AKAP11: variants seen among roughly 807,000 people sequenced by gnomAD.
AKAP11 encodes A-kinase anchor protein 11.
In AKAP11, 36 loss-of-function variants were observed where a neutral mutation model predicts 146.1. The ratio of observed to expected loss-of-function variants is 0.25; its 90% confidence interval spans 0.19 to 0.33. The LOEUF is 0.33. Among genes scored for constraint, AKAP11 ranks in the 10% least tolerant of loss-of-function variants. The probability of loss-of-function intolerance (pLI) is 1.00; values close to 1 mark genes in which losing one functional copy is unlikely to be tolerated. For missense variants in AKAP11, 2,201 were observed against 2,197.0 expected, an observed-to-expected ratio of 1.00 and a Z score of -0.04; for synonymous variants, 780 against 786.5, an observed-to-expected ratio of 0.99 and a Z score of 0.14.
intron 6 of AKAP11, 95 bp downstream of exon 6, chr13:42,297,277 TG>T (rs1566268678): frequency 8.9e-6 from 9 of 1,014,126 alleles, no homozygotes; most frequent in East Asian, 3.0e-5. Flanking sequence ...GGATGACATT[TG>T]TTTTTTTTAA....
At chr13:42,297,433 A>T (rs1297099274) in intron 6 of AKAP11, among the ~76,000 whole-genome samples, 1 of 151,746 alleles carries the variant, frequency 6.6e-6, no homozygotes, top group Non-Finnish European at 1.5e-5. Context: ...GTACATGTTA[A>T]TTTTTTCTGA....
In AKAP11 at chr13:42,283,836, T is replaced by G. The variant is rs142606463; in HGVS notation, c.-99-2150T>G. Among the ~76,000 whole-genome samples, 194 of 152,328 alleles carry G rather than the reference T, an allele frequency of 1.3e-3. 1 individual carries two copies. The highest frequency in any genetic ancestry group is 4.5e-3 in the African/African-American group (188 of 41,570). On this transcript the variant is annotated intron_variant, in intron 1 of 12. Coordinates refer to ENST00000025301, the MANE Select transcript of AKAP11 (RefSeq NM_016248.4). Reference sequence around the variant, plus strand: ...AGAGAAAGTGATGTAAGGCGTGCCATTCCTTTGTCCTGCAGTATTGTTTTT... The same window carrying G: ...AGAGAAAGTGATGTAAGGCGTGCCAGTCCTTTGTCCTGCAGTATTGTTTTT...
At position 42,321,866 on chromosome 13, in the gene AKAP11, C is replaced by G. The variant is rs1397398538; in HGVS notation, c.*2638C>G. ...GTTTTGATGTACATCGAGCTGAATT[C>G]TGTTTTTACCAGTTTCAAAACCTTC... On this transcript the variant is annotated 3_prime_UTR_variant, in exon 13 of 13. Coordinates refer to ENST00000025301, the MANE Select transcript of AKAP11 (RefSeq NM_016248.4). The G allele has an allele frequency of 6.6e-6, 1 of 152,266 alleles. No homozygotes were observed. Among genetic ancestry groups the G allele is most frequent in the East Asian group, 1.9e-4 (1 of 5,342 alleles). The allele number at this position is 152,266 out of a possible 1,614,324, so 9.4% of individuals were successfully genotyped here.
intron 2 of AKAP11, 30 bp from the exon 3 acceptor site, chr13:42,286,266 CAATA>C (rs1328077323): frequency 1.3e-5 from 11 of 823,318 alleles, no homozygotes; most frequent in Non-Finnish European, 1.9e-5. Context: ...TTGTTAAGAT[CAATA>C]AATAAGTTGT....
chr13:42,291,759 G>A (rs1959221009), intron 3 of AKAP11, among the ~76,000 whole-genome samples: 1 of 152,114 alleles, frequency 6.6e-6, no homozygotes, highest in Non-Finnish European at 1.5e-5. Context: ...AAGGTAGAAG[G>A]AAATAAGTGT....
At chr13:42,287,007 A>G (rs1566260229) in intron 3 of AKAP11, among the ~76,000 whole-genome samples, 1 of 152,366 alleles carries the variant, frequency 6.6e-6, no homozygotes, top group East Asian at 1.9e-4. Context: ...CTTCTGCATT[A>G]TATGACACCA....
At position 42,303,484 on chromosome 13, in the gene AKAP11, T is replaced by C; in HGVS notation, c.4738T>C (p.Ser1580Pro). ...ADRVTYAEKL[S>P]PLTGQACRYC... ...CAGGGTCACTTATGCAGAAAAGTTG[T>C]CACCTCTTACAGGTCAAGCTTGCAG... The change falls in exon 8 of 13, where the codon TCA becomes CCA. Residue 1580 changes from serine to proline, a missense_variant. Transcript: ENST00000025301. 6.2e-7 allele frequency: 1 copy of C among 1,614,186 alleles called. No individual in the cohort carries two copies. The highest frequency in any genetic ancestry group is 8.5e-7 in the Non-Finnish European group (1 of 1,180,034).
At chr13:42,311,241 T>C (rs1280291186) in intron 9 of AKAP11, among the ~76,000 whole-genome samples, 1 of 152,200 alleles carries the variant, frequency 6.6e-6, no homozygotes, top group East Asian at 1.9e-4. Context: ...ACTCCTGTGC[T>C]AGACATAGGA....
chr13:42,313,296 C>G (rs1960652243), intron 10 of AKAP11, among the ~76,000 whole-genome samples, 166 bp downstream of exon 10: 1 of 152,174 alleles, frequency 6.6e-6, no homozygotes, highest in Admixed American at 6.5e-5. Context: ...TGAAAAACTT[C>G]AACTGTGCTA....
In AKAP11 at chr13:42,301,432, G is replaced by C. The variant is rs1420971311; in HGVS notation, c.2686G>C (p.Val896Leu). 2 of 1,612,994 alleles carry C rather than the reference G, an allele frequency of 1.2e-6. No homozygotes were observed. Among genetic ancestry groups the C allele is most frequent in the Non-Finnish European group, 1.7e-6 (2 of 1,179,752 alleles). ...ETLESMTSLE[V>L]TKMVDERTDY... ...TTTAGAGTCAATGACATCATTGGAAGTTACAAAAATGGTTGATGAACGTAC... is the reference window on the plus strand; with the variant it reads ...TTTAGAGTCAATGACATCATTGGAACTTACAAAAATGGTTGATGAACGTAC... The change falls in exon 8 of 13, where the codon GTT (valine) becomes CTT (leucine). Residue 896 changes from valine (V) to leucine (L), a missense_variant. This residue lies in a region of AKAP11 where 1,867 missense variants were observed against 1,833.5 expected (regional missense o/e 1.02). Transcript: ENST00000025301.
Position 42,301,824 on chromosome 13 carries a change from T to C in AKAP11, c.3078T>C (p.Cys1026=), listed in dbSNP as rs1445954271. 6.2e-7 allele frequency: 1 copy of C among 1,614,168 alleles called. No homozygotes were observed. The highest frequency in any genetic ancestry group is 8.5e-7 in the Non-Finnish European group (1 of 1,180,012). ...CCTCCCTAGAGACACTGCCATCTTG[T>C]CCAGCTGTGACAGGTCAGAAATCTG... ...HGSSLETLPS[C]PAVTGQKSDL... is the part of the protein sequence containing the mutation. Residue 1026 remains cysteine (C), a synonymous_variant, in exon 8 of 13, where the codon TGT becomes TGC. Transcript: ENST00000025301.
At position 42,300,180 on chromosome 13, in the gene AKAP11, T is replaced by G; in HGVS notation, c.1434T>G (p.His478Gln). 6.2e-7 allele frequency: 1 copy of G among 1,613,940 alleles called. No homozygotes were observed. Among genetic ancestry groups the G allele is most frequent in the Non-Finnish European group, 8.5e-7 (1 of 1,179,864 alleles). Residue 478 changes from histidine (H) to glutamine (Q), a missense_variant, in exon 8 of 13, where the codon CAT becomes CAG. Physicochemically the swap from His to Gln is conservative, Grantham distance 24. Coordinates refer to ENST00000025301, the MANE Select transcript of AKAP11 (RefSeq NM_016248.4). ...CAGATATTGGTGGAGATAGGATTCA[T>G]GAAAATCATGATTCTGTTTATTACA... Reference protein sequence around the residue: ...CQTDIGGDRIHENHDSVYYTY... With the variant: ...CQTDIGGDRIQENHDSVYYTY...
intron 1 of AKAP11, among the ~76,000 whole-genome samples, chr13:42,280,584 G>C (rs772950953): frequency 1.8e-4 from 27 of 152,296 alleles, no homozygotes; most frequent in Admixed American, 5.2e-4. Context: ...ATGTTTGAAT[G>C]CCTACTATGT....
At position 42,303,473 on chromosome 13, in the gene AKAP11, C is replaced by G; in HGVS notation, c.4727C>G (p.Ala1576Gly). The G allele has an allele frequency of 6.2e-7, 1 of 1,614,176 alleles. No homozygotes were observed. The highest frequency in any genetic ancestry group is 8.5e-7 in the Non-Finnish European group (1 of 1,180,018). ...AAATCAGCAGACAGGGTCACTTATGCAGAAAAGTTGTCACCTCTTACAGGT... is the reference window on the plus strand; with the variant it reads ...AAATCAGCAGACAGGGTCACTTATGGAGAAAAGTTGTCACCTCTTACAGGT... ...TTKSADRVTY[A>G]EKLSPLTGQA... The change falls in exon 8 of 13, where the codon GCA becomes GGA. Residue 1576 changes from alanine (A) to glycine (G), a missense_variant. By Grantham distance (60) the Ala-to-Gly change is moderately conservative. Coordinates refer to ENST00000025301, the MANE Select transcript of AKAP11 (RefSeq NM_016248.4).
At chr13:42,291,264 T>G (rs2138513494) in intron 3 of AKAP11, among the ~76,000 whole-genome samples, 1 of 152,288 alleles carries the variant, frequency 6.6e-6, no homozygotes, top group Non-Finnish European at 1.5e-5. Flanking sequence ...ATATGTTTTT[T>G]GTTTTCGAGA....
intron 1 of AKAP11, among the ~76,000 whole-genome samples, chr13:42,276,696 C>T (rs1459331707): frequency 6.6e-6 from 1 of 152,160 alleles, no homozygotes; most frequent in Non-Finnish European, 1.5e-5. Flanking sequence ...TCACATTCTT[C>T]TTTTTTTATG....
At chr13:42,290,112 G>T (rs542983012) in intron 3 of AKAP11, among the ~76,000 whole-genome samples, 1 of 152,130 alleles carries the variant, frequency 6.6e-6, no homozygotes, top group East Asian at 1.9e-4. Flanking sequence ...TTTGGTCAAG[G>T]TTCACACACT....
chr13:42,318,878 A>C (rs1395754012), intron 12 of AKAP11, among the ~76,000 whole-genome samples: 4 of 152,098 alleles, frequency 2.6e-5, no homozygotes, highest in African/African-American at 9.7e-5. Flanking sequence ...CATTCTCTGG[A>C]GGAGATGTGT....
At chr13:42,313,792 C>A in intron 10 of AKAP11, 102 bp from the exon 11 acceptor site, 3 of 939,048 alleles carry the variant, frequency 3.2e-6, no homozygotes, top group South Asian at 3.1e-5. Context: ...TGTCATATGT[C>A]ATATTGTAAC....
Sources: gnomAD v4.1 joint callset for allele counts (sites outside exome capture counted in the v4.1 genomes callset) on GRCh38, gnomAD v4.1.1 for gene constraint, gnomAD v4.1.1 regional missense constraint, MANE v1.5 for transcripts, NCBI Gene and HGNC (gene_info 2026-07-23, HGNC 2026-07-21) for gene names.